The following SAGE1 variants were observed in gnomAD, a reference collection of about 807,000 sequenced individuals.
The protein encoded by SAGE1 is sarcoma antigen 1, also known as cancer/testis antigen 14.
SAGE1 carries 55 observed loss-of-function variants against 55.4 expected under a neutral mutation model. That is an observed-to-expected ratio of 0.99 (90% confidence interval 0.80 to 1.24). The LOEUF (loss-of-function observed/expected upper bound fraction) is 1.24, where lower values mean the gene tolerates loss of function less well. Among genes scored for constraint, SAGE1 ranks in the 50% most tolerant of loss-of-function variants. The pLI, the probability that SAGE1 is intolerant of heterozygous loss-of-function variation, is 0.00. For missense variants in SAGE1, 710 were observed against 704.4 expected (o/e 1.01, Z -0.09); for synonymous variants, 240 against 244.3 (o/e 0.98, Z 0.17).
chrX:135,896,184 C>T, intron 1 of SAGE1, 59 bp from the exon 2 acceptor site: 1 of 838,311 alleles, frequency 1.2e-6, no homozygotes, highest in Non-Finnish European at 1.8e-6. Flanking sequence ...AGTTACGTTC[C>T]AGTTATAAAT....
At chrX:135,900,493 G>A (rs782809354) in intron 2 of SAGE1, among the ~76,000 whole-genome samples, 1 of 111,095 alleles carries the variant, frequency 9.0e-6, no homozygotes, top group African/African-American at 3.3e-5. Context: ...TCAGGGTGAT[G>A]CTGGTCTCAT....
rs782607511 is a variant in SAGE1 at position 135,912,580 on chromosome X, T to C, written c.2615+166T>C. 1.6e-4 allele frequency: 117 copies of C among 752,259 alleles called. 1 individual carries two copies. The South Asian group carries it at 5.8e-3, about 37-fold the overall frequency. 62.0% of individuals were successfully genotyped at this position (752,259 alleles called of 1,213,427 possible). On this transcript the variant is annotated intron_variant, in intron 19 of 19. Coordinates refer to ENST00000370709, the MANE Select transcript of SAGE1 (RefSeq NM_001381902.1). ...GATACTATCTTATTCTAACACTTTC[T>C]TCCAATACCATGGAGGCTTCCAAAT...
At position 135,910,397 on chromosome X, in the gene SAGE1, C is replaced by G. The variant is rs369903400; in HGVS notation, c.1865-18C>G. ...ATAATGCACTTACCTCACGCCCAAC[C>G]TCTTCTTTTGTTTCCAGATGCTGCA... On this transcript the variant is annotated intron_variant, in intron 15 of 19. Transcript: ENST00000370709. 14 of 1,205,289 alleles carry G rather than the reference C, an allele frequency of 1.2e-5. No individual in the cohort carries two copies. The African/African-American group carries it at 2.1e-4, about 18-fold the overall frequency.
Position 135,910,544 on chromosome X carries a change from C to A in SAGE1, c.1994C>A (p.Thr665Asn). The A allele has an allele frequency of 8.3e-7, 1 of 1,210,532 alleles. No homozygotes were observed. Among genetic ancestry groups the A allele is most frequent in the Non-Finnish European group, 1.1e-6 (1 of 894,425 alleles). ...MAAAGISSTITRDLYVTATHS... is the reference protein window; with the variant it reads ...MAAAGISSTINRDLYVTATHS... ...GCAGCTGGAATTTCATCCACGATTACCAGGGATCTGTGTATGTCTGCTTAT... is the reference window on the plus strand; with the variant it reads ...GCAGCTGGAATTTCATCCACGATTAACAGGGATCTGTGTATGTCTGCTTAT... Residue 665 changes from threonine (T) to asparagine (N), a missense_variant, in exon 16 of 20, where the codon ACC becomes AAC. Coordinates refer to ENST00000370709, the MANE Select transcript of SAGE1 (RefSeq NM_001381902.1).
intron 4 of SAGE1, 148 bp from the exon 5 acceptor site, chrX:135,905,104 C>A: frequency 1.9e-6 from 1 of 536,539 alleles, no homozygotes. Context: ...TCTTTCGTGA[C>A]CTCAACTTAA....
chrX:135,909,061 T>C, intron 13 of SAGE1, 57 bp downstream of exon 13: 1 of 1,049,511 alleles, frequency 9.5e-7, no homozygotes, highest in Admixed American at 2.3e-5. Context: ...ATGCATATTT[T>C]CATGAAGGGT....
Position 135,910,065 on chromosome X carries a change from A to G in SAGE1, c.1759A>G (p.Ile587Val). 1 of 1,209,290 alleles carries G rather than the reference A, an allele frequency of 8.3e-7. No individual in the cohort carries two copies. Among genetic ancestry groups the G allele is most frequent in the South Asian group, 1.8e-5 (1 of 56,885 alleles). Reference protein sequence around the residue: ...TVTHNVHEEKIKNGQAASDNV... With the variant: ...TVTHNVHEEKVKNGQAASDNV... ...CACTCACAATGTCCATGAAGAGAAG[A>G]TTAAAAATGGCCAAGCAGCATCCGA... The change falls in exon 15 of 20, where the codon ATT becomes GTT. Residue 587 changes from isoleucine to valine, a missense_variant. Ile to Val is a conservative substitution (Grantham distance 29). Transcript: ENST00000370709.
At position 135,896,295 on chromosome X, in the gene SAGE1, A is replaced by G. The variant is rs148375834; in HGVS notation, c.53A>G (p.His18Arg). Residue 18 changes from histidine to arginine, a missense_variant, in exon 2 of 20, where the codon CAT becomes CGT. By Grantham distance (29) the His-to-Arg change is conservative. Transcript: ENST00000370709. ...CAACCAACTCCACCTGAAGAACTTCATGCTGCTGCCTATGTGTTTACAAAT... is the reference window on the plus strand; with the variant it reads ...CAACCAACTCCACCTGAAGAACTTCGTGCTGCTGCCTATGTGTTTACAAAT... ...TSQPTPPEELHAAAYVFTNDG... is the reference protein window; with the variant it reads ...TSQPTPPEELRAAAYVFTNDG... The G allele has an allele frequency of 3.5e-5, 42 of 1,204,898 alleles. No homozygotes were observed. In the African/African-American group the frequency reaches 6.8e-4, roughly 20 times the overall value.
rs372670816 is a variant in SAGE1, at chrX:135,906,576, G to A, written c.736+25G>A. On this transcript the variant is annotated intron_variant, in intron 7 of 19. Coordinates refer to ENST00000370709, the MANE Select transcript of SAGE1 (RefSeq NM_001381902.1). ...TGTAAGTTTGTTTATTTGTATTACT[G>A]TCCTACTTGGTTTCCATATGCATGC... 205 of 598,895 alleles carry A rather than the reference G, an allele frequency of 3.4e-4. 1 individual carries two copies. In the African/African-American group the frequency reaches 4.3e-3, roughly 12 times the overall value. The allele number at this position is 598,895 out of a possible 1,213,427, so 49.4% of individuals were successfully genotyped here.
At chrX:135,897,464 G>T (rs2148074037) in intron 2 of SAGE1, among the ~76,000 whole-genome samples, 1 of 111,860 alleles carries the variant, frequency 8.9e-6, no homozygotes, top group African/African-American at 3.2e-5. Context: ...GATTGGCCAA[G>T]GATTGAGTTA....
chrX:135,894,098 T>C (rs782089970), intron 1 of SAGE1, among the ~76,000 whole-genome samples: 2 of 112,008 alleles, frequency 1.8e-5, no homozygotes, highest in Non-Finnish European at 1.9e-5. Context: ...TTCACTCTTG[T>C]TGTTCGCTCT....
chrX:135,905,127 C>A, intron 4 of SAGE1, 125 bp from the exon 5 acceptor site: 1 of 641,918 alleles, frequency 1.6e-6, no homozygotes. Flanking sequence ...GGACTCAAAT[C>A]ATTATATGAT....
rs1230882675 is a variant in SAGE1 at position 135,911,596 on chromosome X, G to A, written c.2164G>A (p.Asp722Asn). Residue 722 changes from aspartate (D) to asparagine (N), a missense_variant, in exon 18 of 20, where the codon GAT becomes AAT. By Grantham distance (23) the Asp-to-Asn change is conservative (BLOSUM62 1). Coordinates refer to ENST00000370709, the MANE Select transcript of SAGE1 (RefSeq NM_001381902.1). ...GATTCCAGATGCTACTGTCATTCAC[G>A]ATATCCAGGAGGAGGAGATGGAAAA... ...TRDLYATVIH[D>N]IQEEEMENDQ... 7 of 1,200,389 alleles carry A rather than the reference G, an allele frequency of 5.8e-6. No homozygotes were observed. The highest frequency in any genetic ancestry group is 2.2e-5 in the Admixed American group (1 of 45,380).
chrX:135,909,202 G>A (rs1165030841), intron 13 of SAGE1, among the ~76,000 whole-genome samples, 198 bp downstream of exon 13: 2 of 111,610 alleles, frequency 1.8e-5, no homozygotes, highest in African/African-American at 6.5e-5. Flanking sequence ...TATCTGCAGG[G>A]CTGACATAAT....
chrX:135,911,979 A>G lies in SAGE1; in HGVS notation c.2521+26A>G, dbSNP rs1556606860. On this transcript the variant is annotated intron_variant, in intron 18 of 19. Coordinates refer to ENST00000370709, the MANE Select transcript of SAGE1 (RefSeq NM_001381902.1). ...GTAAGTACTGCAAGAATGTCTATCA[A>G]TGAAAGCATGAGAAGTGTCTCATTC... 2.5e-6 allele frequency: 3 copies of G among 1,201,226 alleles called. No homozygotes were observed. The East Asian group carries it at 8.9e-5, about 36-fold the overall frequency.
In SAGE1 at chrX:135,907,744, T is replaced by A; in HGVS notation, c.1062T>A (p.Asn354Lys). The A allele has an allele frequency of 8.3e-7, 1 of 1,208,564 alleles. No homozygotes were observed. The highest frequency in any genetic ancestry group is 3.0e-5 in the East Asian group (1 of 33,776). ...THNVCEERVV[N>K]NQPLPSNALS... ...ATGTCTGTGAAGAGAGAGTGGTAAA[T>A]AACCAACCACTACCTAGTAACGCCT... is the stretch of plus-strand genomic sequence containing the variant. Residue 354 changes from asparagine to lysine, a missense_variant, in exon 10 of 20, where the codon AAT becomes AAA. Transcript: ENST00000370709.
chrX:135,900,550 T>G (rs1425236202), intron 2 of SAGE1, among the ~76,000 whole-genome samples: 1 of 111,031 alleles, frequency 9.0e-6, no homozygotes, highest in African/African-American at 3.3e-5. Flanking sequence ...TTTGGAATAG[T>G]TTCGGTAGTA....
intron 4 of SAGE1, 84 bp from the exon 5 acceptor site, chrX:135,905,168 A>G (rs782490131): frequency 6.4e-6 from 6 of 932,689 alleles, no homozygotes; most frequent in Non-Finnish European, 9.0e-6. Flanking sequence ...ATAATTTCCT[A>G]GAAACCGAGC....
In SAGE1 at chrX:135,905,308, A is replaced by G; in HGVS notation, c.370A>G (p.Thr124Ala). ...EERMENGQSRTDKVLSTAPPQ... is the reference protein window; with the variant it reads ...EERMENGQSRADKVLSTAPPQ... ...GAGGATGGAAAATGGCCAATCTCGA[A>G]CTGACAAAGTCTTGTCAACTGCTCC... is the stretch of plus-strand genomic sequence containing the variant. Residue 124 changes from threonine (T) to alanine (A), a missense_variant, in exon 5 of 20, where the codon ACT (threonine) becomes GCT (alanine). Thr to Ala is a moderately conservative substitution (Grantham distance 58, BLOSUM62 0). Transcript: ENST00000370709. The G allele has an allele frequency of 8.3e-7, 1 of 1,204,454 alleles. No homozygotes were observed. Among genetic ancestry groups the G allele is most frequent in the South Asian group, 1.8e-5 (1 of 56,157 alleles).
Sources: allele counts gnomAD v4.1 joint callset (sites outside exome capture counted in the v4.1 genomes callset), GRCh38; gene constraint gnomAD v4.1.1; transcripts MANE v1.5; gene names NCBI Gene and HGNC (gene_info 2026-07-23, HGNC 2026-07-21).